The following TUBB4B variants were observed in gnomAD, a reference collection of about 807,000 sequenced individuals.
TUBB4B encodes the protein tubulin beta-4B chain.
A neutral mutation model predicts 34.3 loss-of-function variants in TUBB4B; 7 were observed. That is an observed-to-expected ratio of 0.20 (90% CI 0.12 to 0.38). TUBB4B has a LOEUF of 0.38. Ranked by LOEUF, TUBB4B falls within the 10% of genes least tolerant of loss-of-function variation. TUBB4B has a pLI of 1.00. For missense variants in TUBB4B, 178 were observed against 610.9 expected (o/e 0.29, Z 7.47); for synonymous variants, 390 against 250.2 (o/e 1.56, Z -5.27).
chr9:137,242,357 C>T (rs1045865193), intron 3 of TUBB4B, 139 bp from the exon 4 acceptor site: 38 of 1,075,888 alleles, frequency 3.5e-5, no homozygotes, highest in Non-Finnish European at 4.9e-5. Flanking sequence ...CGTCTTTTGG[C>T]TTTGAAGGGT....
In TUBB4B at chr9:137,243,439, G is replaced by A. The variant is rs1168493737; in HGVS notation, c.1221G>A (p.Glu407=). Residue 407 remains glutamate (E), a synonymous_variant, in exon 4 of 4, where the codon GAG becomes GAA. Transcript: ENST00000340384. ...CGGGCGAGGGCATGGACGAGATGGA[G>A]TTCACCGAGGCCGAGAGCAACATGA... is the stretch of plus-strand genomic sequence containing the variant. The part of the protein sequence containing the change: ...WYTGEGMDEM[E]FTEAESNMND... 4.3e-6 allele frequency: 7 copies of A among 1,613,722 alleles called. No homozygotes were observed. In the Admixed American group the frequency reaches 6.7e-5, roughly 15 times the overall value.
rs62584881 is a variant in TUBB4B, at chr9:137,242,684, C to A, written c.466C>A (p.Arg156=). ...GMGTLLISKI[R]EEYPDRIMNT... is the part of the protein sequence containing the mutation. ...GGGTACCCTCCTCATCAGCAAGATC[C>A]GGGAGGAGTACCCAGACAGGATCAT... Residue 156 remains arginine (R), a synonymous_variant, in exon 4 of 4, where the codon CGG becomes AGG. Transcript: ENST00000340384. The A allele has an allele frequency of 1.2e-6, 2 of 1,613,652 alleles. No homozygotes were observed. Among genetic ancestry groups the A allele is most frequent in the South Asian group, 1.1e-5 (1 of 91,082 alleles).
rs766353402 is a variant in TUBB4B at position 137,243,271 on chromosome 9, G to A, written c.1053G>A (p.Thr351=). ...AGTGGATCCCCAACAATGTGAAAAC[G>A]GCTGTCTGTGACATCCCACCTCGGG... is the stretch of plus-strand genomic sequence containing the variant. ...FVEWIPNNVK[T]AVCDIPPRGL... The change falls in exon 4 of 4, where the codon ACG becomes ACA. Residue 351 remains threonine (T), a synonymous_variant. Coordinates refer to ENST00000340384, the MANE Select transcript of TUBB4B (RefSeq NM_006088.6). 1.6e-5 allele frequency: 26 copies of A among 1,613,412 alleles called. No homozygotes were observed. The East Asian group carries it at 4.5e-4, about 28-fold the overall frequency.
At position 137,243,401 on chromosome 9, in the gene TUBB4B, C is replaced by T. The variant is rs769355012; in HGVS notation, c.1183C>T (p.Leu395=). Residue 395 remains leucine (L), a synonymous_variant, in exon 4 of 4, where the codon CTG becomes TTG. Transcript: ENST00000340384. ...FTAMFRRKAF[L]HWYTGEGMDE... is the part of the protein sequence containing the mutation. Reference sequence around the variant, plus strand: ...GGCCATGTTCCGGCGCAAGGCCTTCCTGCACTGGTACACGGGCGAGGGCAT... The same window carrying T: ...GGCCATGTTCCGGCGCAAGGCCTTCTTGCACTGGTACACGGGCGAGGGCAT... The T allele has an allele frequency of 8.1e-6, 13 of 1,613,508 alleles. No individual in the cohort carries two copies. The highest frequency in any genetic ancestry group is 1.6e-4 in the Middle Eastern group (1 of 6,068).
rs989808465 is a variant in TUBB4B, at chr9:137,243,502, C to T, written c.1284C>T (p.Ala428=). Residue 428 remains alanine (A), a synonymous_variant, in exon 4 of 4, where the codon GCC becomes GCT. Coordinates refer to ENST00000340384, the MANE Select transcript of TUBB4B (RefSeq NM_006088.6). ...LVSEYQQYQD[A]TAEEEGEFEE... is the part of the protein sequence containing the mutation. ...CCGAGTACCAGCAGTACCAGGATGC[C>T]ACAGCCGAGGAGGAGGGCGAGTTCG... The T allele has an allele frequency of 4.3e-6, 7 of 1,613,764 alleles. No individual in the cohort carries two copies. In the East Asian group the frequency reaches 1.3e-4, roughly 31 times the overall value.
Position 137,243,612 on chromosome 9 carries a change from A to AGCCTGTCCTGTG in TUBB4B, c.*65_*76dup, listed in dbSNP as rs374050763. The AGCCTGTCCTGTG allele has an allele frequency of 1.2e-6, 2 of 1,613,358 alleles. No homozygotes were observed. The highest frequency in any genetic ancestry group is 2.2e-5 in the East Asian group (1 of 44,896). ...CAGTGTGAACTCTTTATTCACTCCCAGCCTGTCCTGTGGCCTGTCCCACTG... is the reference window on the plus strand; with the variant it reads ...CAGTGTGAACTCTTTATTCACTCCCAGCCTGTCCTGTGGCCTGTCCTGTGGCCTGTCCCACTG... On this transcript the variant is annotated 3_prime_UTR_variant, in exon 4 of 4. Coordinates refer to ENST00000340384, the MANE Select transcript of TUBB4B (RefSeq NM_006088.6).
rs377752917 is a variant in TUBB4B, at chr9:137,241,768, C to T, written c.105C>T (p.Thr35=). 1.7e-5 allele frequency: 27 copies of T among 1,612,184 alleles called. No homozygotes were observed. Among genetic ancestry groups the T allele is most frequent in the Non-Finnish European group, 1.9e-5 (22 of 1,179,576 alleles). The stretch of plus-strand genomic sequence containing the variant: ...AGCACGGCATCGACCCCACGGGCAC[C>T]TACCACGGGGACAGCGACCTGCAGC... The part of the protein sequence containing the change: ...SDEHGIDPTG[T]YHGDSDLQLE... Residue 35 remains threonine, a synonymous_variant, in exon 2 of 4, where the codon ACC becomes ACT. Coordinates refer to ENST00000340384, the MANE Select transcript of TUBB4B (RefSeq NM_006088.6).
chr9:137,243,022 C>A lies in TUBB4B; in HGVS notation c.804C>A (p.Pro268=). The change falls in exon 4 of 4, where the codon CCC becomes CCA. Residue 268 remains proline, a synonymous_variant. Transcript: ENST00000340384. ...VPFPRLHFFM[P]GFAPLTSRGS... ...TTCCCCGGCTGCACTTCTTCATGCC[C>A]GGCTTTGCCCCACTGACCAGCCGGG... 2 of 1,612,884 alleles carry A rather than the reference C, an allele frequency of 1.2e-6. No homozygotes were observed. Among genetic ancestry groups the A allele is most frequent in the Non-Finnish European group, 1.7e-6 (2 of 1,180,030 alleles).
rs765597694 is a variant in TUBB4B, at chr9:137,242,716, G to A, written c.498G>A (p.Thr166=). The A allele has an allele frequency of 5.6e-6, 9 of 1,613,794 alleles. No individual in the cohort carries two copies. The highest frequency in any genetic ancestry group is 3.3e-5 in the South Asian group (3 of 91,092). ...REEYPDRIMN[T]FSVVPSPKVS... ...AGTACCCAGACAGGATCATGAACACGTTTAGTGTGGTGCCTTCGCCCAAAG... is the reference window on the plus strand; with the variant it reads ...AGTACCCAGACAGGATCATGAACACATTTAGTGTGGTGCCTTCGCCCAAAG... The change falls in exon 4 of 4, where the codon ACG becomes ACA. Residue 166 remains threonine, a synonymous_variant. Coordinates refer to ENST00000340384, the MANE Select transcript of TUBB4B (RefSeq NM_006088.6).
rs11545609 is a variant in TUBB4B at position 137,242,518 on chromosome 9, C to T, written c.300C>T (p.Asn100=). 6.8e-6 allele frequency: 11 copies of T among 1,613,522 alleles called. No individual in the cohort carries two copies. The highest frequency in any genetic ancestry group is 5.3e-5 in the African/African-American group (4 of 74,924). The part of the protein sequence containing the change: ...FVFGQSGAGN[N]WAKGHYTEGA... Reference sequence around the variant, plus strand: ...CAGGTCAGAGTGGTGCTGGGAACAACTGGGCCAAGGGGCACTACACAGAAG... The same window carrying T: ...CAGGTCAGAGTGGTGCTGGGAACAATTGGGCCAAGGGGCACTACACAGAAG... Residue 100 remains asparagine (N), a synonymous_variant, in exon 4 of 4, where the codon AAC becomes AAT. Transcript: ENST00000340384.
Position 137,243,184 on chromosome 9 carries a change from C to T in TUBB4B, c.966C>T (p.Ser322=), listed in dbSNP as rs373363190. 6.0e-5 allele frequency: 97 copies of T among 1,613,136 alleles called. No individual in the cohort carries two copies. The African/African-American group carries it at 8.8e-4, about 15-fold the overall frequency. Residue 322 remains serine (S), a synonymous_variant, in exon 4 of 4, where the codon TCC becomes TCT. Coordinates refer to ENST00000340384, the MANE Select transcript of TUBB4B (RefSeq NM_006088.6). Reference sequence around the variant, plus strand: ...CCGCCGTGTTCAGGGGCCGCATGTCCATGAAGGAGGTGGATGAGCAAATGC... The same window carrying T: ...CCGCCGTGTTCAGGGGCCGCATGTCTATGAAGGAGGTGGATGAGCAAATGC... ...TVAAVFRGRM[S]MKEVDEQMLN... is the part of the protein sequence containing the mutation.
chr9:137,241,343 G>A lies in TUBB4B; in HGVS notation c.-18G>A, dbSNP rs917824718. The A allele has an allele frequency of 2.0e-6, 3 of 1,476,290 alleles. No homozygotes were observed. Among genetic ancestry groups the A allele is most frequent in the Non-Finnish European group, 9.1e-7 (1 of 1,093,224 alleles). The allele number at this position is 1,476,290 out of a possible 1,614,324, so 91.4% of individuals were successfully genotyped here. A position where few individuals can be genotyped will look rare whatever the true frequency, so the allele number is the denominator to read the frequency against. On this transcript the variant is annotated 5_prime_UTR_variant, in exon 1 of 4. Transcript: ENST00000340384. Reference sequence around the variant, plus strand: ...TTTGTCTACTTCCTCCTGCTTCCCCGCCGCCGCCGCCGCCATCATGAGGGA... The same window carrying A: ...TTTGTCTACTTCCTCCTGCTTCCCCACCGCCGCCGCCGCCATCATGAGGGA...
Position 137,242,491 on chromosome 9 carries a change from C to A in TUBB4B, c.278-5C>A. 1 of 1,610,922 alleles carries A rather than the reference C, an allele frequency of 6.2e-7. No homozygotes were observed. The highest frequency in any genetic ancestry group is 2.2e-5 in the East Asian group (1 of 44,860). On this transcript the variant is annotated splice_region_variant and splice_polypyrimidine_tract_variant and intron_variant, in intron 3 of 3. Transcript: ENST00000340384. Reference sequence around the variant, plus strand: ...TGACAAATGATTAGCTGTGTTCTCTCACAGGTCAGAGTGGTGCTGGGAACA... The same window carrying A: ...TGACAAATGATTAGCTGTGTTCTCTAACAGGTCAGAGTGGTGCTGGGAACA...
chr9:137,241,319 T>C lies in TUBB4B; in HGVS notation c.-42T>C, dbSNP rs746101672. The C allele has an allele frequency of 3.1e-5, 49 of 1,585,790 alleles. No homozygotes were observed. Among genetic ancestry groups the C allele is most frequent in the Non-Finnish European group, 3.8e-5 (45 of 1,172,516 alleles). On this transcript the variant is annotated 5_prime_UTR_variant, in exon 1 of 4. Coordinates refer to ENST00000340384, the MANE Select transcript of TUBB4B (RefSeq NM_006088.6). ...TGCGCGCCCGCTCTTCTGCTGCTGT[T>C]TGTCTACTTCCTCCTGCTTCCCCGC... is the stretch of plus-strand genomic sequence containing the variant.
chr9:137,242,317 CCT>C (rs1836769470), intron 3 of TUBB4B, 177 bp from the exon 4 acceptor site: 1 of 794,140 alleles, frequency 1.3e-6, no homozygotes, highest in South Asian at 1.9e-5. Context: ...AGGTTTGGCC[CCT>C]GACTTAATTC....
chr9:137,241,318 T>A lies in TUBB4B; in HGVS notation c.-43T>A, dbSNP rs533618264. 1 of 1,581,162 alleles carries A rather than the reference T, an allele frequency of 6.3e-7. No individual in the cohort carries two copies. The highest frequency in any genetic ancestry group is 8.6e-7 in the Non-Finnish European group (1 of 1,169,222). ...CTGCGCGCCCGCTCTTCTGCTGCTG[T>A]TTGTCTACTTCCTCCTGCTTCCCCG... On this transcript the variant is annotated 5_prime_UTR_variant, in exon 1 of 4. Coordinates refer to ENST00000340384, the MANE Select transcript of TUBB4B (RefSeq NM_006088.6).
intron 3 of TUBB4B, 159 bp from the exon 4 acceptor site, chr9:137,242,337 G>A (rs745524671): frequency 6.8e-6 from 6 of 884,926 alleles, no homozygotes; most frequent in South Asian, 3.6e-5. Flanking sequence ...TTCGTAGCAG[G>A]GCAGGCTGCC....
chr9:137,243,271 G>T lies in TUBB4B; in HGVS notation c.1053G>T (p.Thr351=), dbSNP rs766353402. 1 of 1,613,530 alleles carries T rather than the reference G, an allele frequency of 6.2e-7. No homozygotes were observed. The highest frequency in any genetic ancestry group is 8.5e-7 in the Non-Finnish European group (1 of 1,180,018). ...AGTGGATCCCCAACAATGTGAAAAC[G>T]GCTGTCTGTGACATCCCACCTCGGG... ...FVEWIPNNVK[T]AVCDIPPRGL... Residue 351 remains threonine (T), a synonymous_variant, in exon 4 of 4, where the codon ACG becomes ACT. Coordinates refer to ENST00000340384, the MANE Select transcript of TUBB4B (RefSeq NM_006088.6).
intron 3 of TUBB4B, 22 bp from the exon 4 acceptor site, chr9:137,242,474 G>C: frequency 6.2e-7 from 1 of 1,605,566 alleles, no homozygotes; most frequent in Non-Finnish European, 8.5e-7. Flanking sequence ...GCTGACAAAT[G>C]ATTAGCTGTG....
Sources: gnomAD v4.1 joint callset for allele counts on GRCh38, gnomAD v4.1.1 for gene constraint, MANE v1.5 for transcripts, NCBI Gene and HGNC (gene_info 2026-07-23, HGNC 2026-07-21) for gene names.